Variants in POLA1 observed in about 807,000 individuals in gnomAD.
POLA1 encodes DNA polymerase alpha catalytic subunit.
POLA1 carries 15 observed loss-of-function variants against 124.0 expected under a neutral mutation model. The ratio of observed to expected loss-of-function variants is 0.12; its 90% confidence interval spans 0.08 to 0.19. The LOEUF is 0.19. Ranked by LOEUF, POLA1 falls within the 10% of genes least tolerant of loss-of-function variation. POLA1 has a pLI of 1.00. For missense variants in POLA1, 886 were observed against 1,103.4 expected, an observed-to-expected ratio of 0.80 and a Z score of 2.79; for synonymous variants, 408 against 389.4, an observed-to-expected ratio of 1.05 and a Z score of -0.56.
chrX:24,751,727 G>A (rs1602333049), intron 26 of POLA1, among the ~76,000 whole-genome samples: 1 of 112,236 alleles, frequency 8.9e-6, no homozygotes, highest in East Asian at 2.8e-4. Flanking sequence ...AGCACTGGTG[G>A]ATGGAAGTAG....
At chrX:24,948,415 G>A (rs1183350044) in intron 36 of POLA1, among the ~76,000 whole-genome samples, 1 of 109,028 alleles carries the variant, frequency 9.2e-6, no homozygotes, top group African/African-American at 3.3e-5. Context: ...TTTAATTACT[G>A]CCAATCTTCT....
At chrX:24,738,363 C>T (rs1372876055) in intron 19 of POLA1, among the ~76,000 whole-genome samples, 1 of 110,427 alleles carries the variant, frequency 9.1e-6, no homozygotes, top group African/African-American at 3.3e-5. Flanking sequence ...GGCAAGGTTG[C>T]ATGGTTCAGA....
At chrX:24,951,146 C>G (rs1039957339) in intron 36 of POLA1, among the ~76,000 whole-genome samples, 6 of 109,235 alleles carry the variant, frequency 5.5e-5, no homozygotes, top group Non-Finnish European at 1.1e-4. Flanking sequence ...TAATTAAACC[C>G]TTCATCTTCA....
chrX:24,739,528 GA>G lies in POLA1; in HGVS notation c.2198del (p.Asn733IlefsTer33). 1 of 1,173,578 alleles carries G rather than the reference GA, an allele frequency of 8.5e-7. No individual in the cohort carries two copies. Among genetic ancestry groups the G allele is most frequent in the Non-Finnish European group, 1.2e-6 (1 of 863,820 alleles). The part of the protein sequence containing the change: ...LKTERVVIPM[E>X]NIQNMYSESS... ...AACTGAAAGGGTTGTAATCCCAATG[GA>G]AAATATACAAAATATGTACAGGTAT... On this transcript the variant is annotated frameshift_variant, in exon 20 of 37. Transcript: ENST00000379068. LOFTEE classifies it high-confidence loss of function.
At chrX:24,747,632 C>G (rs998105023) in intron 24 of POLA1, among the ~76,000 whole-genome samples, 6 of 109,712 alleles carry the variant, frequency 5.5e-5, no homozygotes, top group Non-Finnish European at 3.8e-5. Context: ...TTTTTTAATC[C>G]TGGAGGTCTG....
intron 26 of POLA1, among the ~76,000 whole-genome samples, chrX:24,802,213 T>C (rs2045726068): frequency 1.8e-5 from 2 of 110,390 alleles, no homozygotes; most frequent in Non-Finnish European, 3.8e-5. Context: ...TTTAAAAAAA[T>C]ACCTTTACAG....
In POLA1 at chrX:24,854,824, A is replaced by G. The variant is rs2046621337; in HGVS notation, c.4047+11147A>G. On this transcript the variant is annotated intron_variant, in intron 34 of 36. Transcript: ENST00000379068. ...ATCCTGGGCGACAGAGTGGGACTCC[A>G]TCTCAAAAAAAAAAAAAGCCCAAAA... 4.6e-5 allele frequency among the ~76,000 whole-genome samples: 5 copies of G among 108,429 alleles called. No homozygotes were observed. The South Asian group carries it at 2.1e-3, about 45-fold the overall frequency. 94.2% of individuals were successfully genotyped at this position (108,429 alleles called of 115,157 possible).
intron 26 of POLA1, among the ~76,000 whole-genome samples, chrX:24,809,563 C>T (rs113665478): frequency 9.0e-6 from 1 of 111,292 alleles, no homozygotes; most frequent in African/African-American, 3.3e-5. Context: ...ATTTGAAATG[C>T]TTTGTTAAGC....
chrX:24,732,603 T>TTG, intron 16 of POLA1, 149 bp downstream of exon 16: 1 of 382,203 alleles, frequency 2.6e-6, no homozygotes, highest in Non-Finnish European at 4.5e-6. Flanking sequence ...TTTTTTGTTT[T>TTG]TTTTTTTTTT....
chrX:24,867,594 A>G (rs1251699343), intron 34 of POLA1, among the ~76,000 whole-genome samples: 1 of 111,914 alleles, frequency 8.9e-6, no homozygotes, highest in Non-Finnish European at 1.9e-5. Flanking sequence ...AATAACTTAC[A>G]TGCTCTTTTT....
rs2047087558 is a variant in POLA1 at position 24,888,017 on chromosome X, A to G, written c.4059A>G (p.Ile1353Met). ...FIKKYYDGWL[I>M]CEEPTCRNRT... ...TCCCTTCTCTCCAGGGCTGGTTGAT[A>G]TGTGAAGAGCCAACCTGTCGCAATC... Residue 1353 changes from isoleucine (I) to methionine (M), a missense_variant, in exon 35 of 37, where the codon ATA becomes ATG. Ile to Met is a conservative substitution (Grantham distance 10). Transcript: ENST00000379068. The G allele has an allele frequency of 1.7e-6, 2 of 1,197,867 alleles. No homozygotes were observed. The highest frequency in any genetic ancestry group is 3.5e-5 in the African/African-American group (2 of 57,521).
At chrX:24,729,203 C>T (rs982532911) in intron 15 of POLA1, among the ~76,000 whole-genome samples, 1 of 111,598 alleles carries the variant, frequency 9.0e-6, no homozygotes, top group African/African-American at 3.3e-5. Context: ...TATTTTGGGC[C>T]GGATAATGCT....
In POLA1 at chrX:24,995,981, A is replaced by G; in HGVS notation, c.*31A>G. ...TCCCAGGAGTAACCAAGGAGGGGGT[A>G]GTTGAAAAATCCCAGCTTCCTCTGT... On this transcript the variant is annotated 3_prime_UTR_variant, in exon 37 of 37. Transcript: ENST00000379068. 8.4e-7 allele frequency: 1 copy of G among 1,186,087 alleles called. No homozygotes were observed. Among genetic ancestry groups the G allele is most frequent in the Non-Finnish European group, 1.1e-6 (1 of 876,297 alleles).
At chrX:24,749,375 A>G (rs914042217) in intron 26 of POLA1, among the ~76,000 whole-genome samples, 3 of 111,877 alleles carry the variant, frequency 2.7e-5, no homozygotes, top group African/African-American at 9.8e-5. Flanking sequence ...TTAAATAAGT[A>G]AATAAACATG....
At chrX:24,871,664 A>G (rs781577919) in intron 34 of POLA1, among the ~76,000 whole-genome samples, 39 of 110,487 alleles carry the variant, frequency 3.5e-4, no homozygotes, top group Middle Eastern at 4.6e-3. Context: ...ATCTATCCTG[A>G]TGCAACACCC....
At position 24,811,499 on chromosome X, in the gene POLA1, A is replaced by G. The variant is rs531930071; in HGVS notation, c.3090+699A>G. 6.4e-5 allele frequency among the ~76,000 whole-genome samples: 7 copies of G among 109,911 alleles called. No homozygotes were observed. The South Asian group carries it at 2.8e-3, about 43-fold the overall frequency. On this transcript the variant is annotated intron_variant, in intron 28 of 36. Coordinates refer to ENST00000379068, the MANE Select transcript of POLA1 (RefSeq NM_001330360.2). The stretch of plus-strand genomic sequence containing the variant: ...GAGACGGGGTTTCACCATGTTGGCC[A>G]GGATGGTCTTGATCTTCTGACCTTG...
intron 36 of POLA1, among the ~76,000 whole-genome samples, chrX:24,971,992 G>A (rs758296059): frequency 1.4e-4 from 9 of 66,613 alleles, no homozygotes; most frequent in East Asian, 1.1e-3. Flanking sequence ...ATTTTAGACC[G>A]AGTTTCACTC....
chrX:24,902,827 G>A (rs2047300714), intron 35 of POLA1, among the ~76,000 whole-genome samples: 1 of 112,054 alleles, frequency 8.9e-6, no homozygotes, highest in Non-Finnish European at 1.9e-5. Context: ...AAGGATATAG[G>A]AACCTAAACA....
At chrX:24,844,513 A>T (rs1328523762) in intron 34 of POLA1, among the ~76,000 whole-genome samples, 1 of 110,374 alleles carries the variant, frequency 9.1e-6, no homozygotes, top group African/African-American at 3.3e-5. Context: ...GTTAAGGCCT[A>T]TGACTTTTCT....
Sources: allele counts gnomAD v4.1 joint callset (sites outside exome capture counted in the v4.1 genomes callset), GRCh38; gene constraint gnomAD v4.1.1; transcripts MANE v1.5; gene names NCBI Gene and HGNC (gene_info 2026-07-23, HGNC 2026-07-21).